Variants in SPIRE1 observed in about 807,000 individuals in gnomAD.
SPIRE1 encodes the protein protein spire homolog 1.
Under a neutral mutation model 94.1 loss-of-function variants are expected in SPIRE1, and 40 were observed. That is an observed-to-expected ratio of 0.43 (90% CI 0.33 to 0.55). The LOEUF is 0.55. SPIRE1 is among the 20% of genes least tolerant of loss of function. The probability of loss-of-function intolerance (pLI) is 0.06; values close to 1 mark genes in which losing one functional copy is unlikely to be tolerated. For synonymous variants in SPIRE1, 376 were observed against 371.7 expected (o/e 1.01, Z -0.13); for missense variants, 838 against 975.2 (o/e 0.86, Z 1.87).
rs879826405 is a variant in SPIRE1 at position 12,551,703 on chromosome 18, G to GA, written c.373-4800dup. On this transcript the variant is annotated intron_variant, in intron 2 of 16. Transcript: ENST00000409402. Reference sequence around the variant, plus strand: ...GGTGACAGAGCGAGACTCCGTCTCAGAAAAAAAAAAAAATATGGGGCGGGA... The same window carrying GA: ...GGTGACAGAGCGAGACTCCGTCTCAGAAAAAAAAAAAAAATATGGGGCGGGA... Among the ~76,000 whole-genome samples the GA allele has an allele frequency of 3.3e-3, 458 of 140,444 alleles. 2 individuals carry two copies. The highest frequency in any genetic ancestry group is 0.011 in the Middle Eastern group (3 of 270). The allele number at this position is 140,444 out of a possible 152,430, so 92.1% of individuals were successfully genotyped here.
chr18:12,452,545 G>A (rs759593115), intron 14 of SPIRE1, 33 bp from the exon 15 acceptor site: 1 of 1,612,702 alleles, frequency 6.2e-7, no homozygotes, highest in Non-Finnish European at 8.5e-7. Context: ...TATTTGGCAT[G>A]ATACCAGGGG....
intron 10 of SPIRE1, among the ~76,000 whole-genome samples, chr18:12,476,860 A>C (rs2032624727): frequency 6.6e-6 from 1 of 152,046 alleles, no homozygotes; most frequent in African/African-American, 2.4e-5. Flanking sequence ...CTGTTCCATA[A>C]ATCTTTGAGA....
intron 2 of SPIRE1, among the ~76,000 whole-genome samples, chr18:12,572,573 C>T (rs895287699): frequency 6.6e-6 from 1 of 152,100 alleles, no homozygotes; most frequent in Non-Finnish European, 1.5e-5. Flanking sequence ...GGCACCACTG[C>T]ACTCCAGCCA....
intron 4 of SPIRE1, among the ~76,000 whole-genome samples, chr18:12,514,103 C>T (rs764969074): frequency 3.9e-5 from 6 of 152,164 alleles, no homozygotes; most frequent in South Asian, 2.1e-4. Flanking sequence ...GCCTCCCAAA[C>T]GGCTGGGATT....
chr18:12,658,313 T>C, upstream of SPIRE1: 1 of 437,206 alleles, frequency 2.3e-6, no homozygotes, highest in Non-Finnish European at 4.5e-6. Flanking sequence ...GGGGGCCCGG[T>C]CGCAAGGGAC....
At chr18:12,530,464 G>C (rs906673367) in intron 4 of SPIRE1, among the ~76,000 whole-genome samples, 1 of 151,986 alleles carries the variant, frequency 6.6e-6, no homozygotes, top group Non-Finnish European at 1.5e-5. Flanking sequence ...TTAAACTCCC[G>C]GGCTCAAAAG....
At chr18:12,655,248 AAAAG>A (rs1400444687) in intron 1 of SPIRE1, among the ~76,000 whole-genome samples, 2 of 151,374 alleles carry the variant, frequency 1.3e-5, no homozygotes, top group African/African-American at 4.8e-5. Flanking sequence ...GAAGAAAAGA[AAAAG>A]AGAGAGAGAG....
chr18:12,455,531 T>C (rs2031467967), intron 12 of SPIRE1, among the ~76,000 whole-genome samples: 1 of 152,188 alleles, frequency 6.6e-6, no homozygotes, highest in Non-Finnish European at 1.5e-5. Context: ...TAAATATTTA[T>C]GTTGGCTGTC....
chr18:12,549,285 T>G (rs2035266447), intron 2 of SPIRE1, among the ~76,000 whole-genome samples: 1 of 152,038 alleles, frequency 6.6e-6, no homozygotes, highest in African/African-American at 2.4e-5. Context: ...TTACATTCAG[T>G]ATATATATTT....
Position 12,526,065 on chromosome 18 carries a change from A to ACACACACACACACACACACG in SPIRE1, c.729+9410_729+9411insCGTGTGTGTGTGTGTGTGTG, listed in dbSNP as rs2144130940. On this transcript the variant is annotated intron_variant, in intron 4 of 16. Coordinates refer to ENST00000409402, the MANE Select transcript of SPIRE1 (RefSeq NM_001128626.2). ...GTCAGAATACTGAAGATACACACAC[A>ACACACACACACACACACACG]CACACACACACACACACACACACAC... is the stretch of plus-strand genomic sequence containing the variant. 2.6e-5 allele frequency among the ~76,000 whole-genome samples: 3 copies of ACACACACACACACACACACG among 116,032 alleles called. 1 individual carries two copies. In the South Asian group the frequency reaches 1.3e-3, roughly 52 times the overall value. The allele number at this position is 116,032 out of a possible 152,430, so 76.1% of individuals were successfully genotyped here.
At chr18:12,499,786 T>C (rs188515933) in intron 6 of SPIRE1, among the ~76,000 whole-genome samples, 1 of 152,212 alleles carries the variant, frequency 6.6e-6, no homozygotes, top group Admixed American at 6.5e-5. Flanking sequence ...CAAAGGACAC[T>C]ATCAAGAGAG....
At chr18:12,656,713 T>C in intron 1 of SPIRE1, 2 of 981,284 alleles carry the variant, frequency 2.0e-6, no homozygotes, top group South Asian at 4.7e-5. Context: ...CTCCTCCTCC[T>C]CTTCAATGAG....
At chr18:12,660,041 C>T (rs980128324), upstream of SPIRE1, among the ~76,000 whole-genome samples, 8 of 152,166 alleles carry the variant, frequency 5.3e-5, no homozygotes, top group Non-Finnish European at 1.0e-4. Context: ...ACACTACCAC[C>T]TCCTGGCCTT....
rs995144562 is a variant in SPIRE1 at position 12,612,905 on chromosome 18, C to T, written c.372+22157G>A. On this transcript the variant is annotated intron_variant, in intron 2 of 16. Coordinates refer to ENST00000409402, the MANE Select transcript of SPIRE1 (RefSeq NM_001128626.2). Reference sequence around the variant, plus strand: ...TATAACTACTTTGGGAGGTGTACTTCGACCACCTTGTTAAAAATTGCAAAC... The same window carrying T: ...TATAACTACTTTGGGAGGTGTACTTTGACCACCTTGTTAAAAATTGCAAAC... 5.3e-5 allele frequency among the ~76,000 whole-genome samples: 8 copies of T among 152,250 alleles called. No individual in the cohort carries two copies. The East Asian group carries it at 1.4e-3, about 26-fold the overall frequency.
At chr18:12,517,050 A>G (rs562155681) in intron 4 of SPIRE1, among the ~76,000 whole-genome samples, 2 of 152,190 alleles carry the variant, frequency 1.3e-5, no homozygotes, top group Non-Finnish European at 2.9e-5. Context: ...GACTTTGGGG[A>G]AATTTTTAAA....
intron 2 of SPIRE1, among the ~76,000 whole-genome samples, chr18:12,567,970 T>C (rs2035860441): frequency 6.6e-6 from 1 of 152,230 alleles, no homozygotes; most frequent in Admixed American, 6.5e-5. Context: ...TTAACTCTGC[T>C]GTTCATTTTG....
At chr18:12,472,260 GTC>G (rs1264652718) in intron 10 of SPIRE1, among the ~76,000 whole-genome samples, 3 of 151,834 alleles carry the variant, frequency 2.0e-5, no homozygotes, top group Non-Finnish European at 2.9e-5. Flanking sequence ...CAAGACCCCT[GTC>G]TCTATAAAAA....
At chr18:12,643,070 T>C (rs895324830) in intron 1 of SPIRE1, among the ~76,000 whole-genome samples, 1 of 152,192 alleles carries the variant, frequency 6.6e-6, no homozygotes, top group Admixed American at 6.5e-5. Flanking sequence ...CTTGACTATG[T>C]ATAGTATATG....
chr18:12,604,892 T>C (rs997852338), intron 2 of SPIRE1, among the ~76,000 whole-genome samples: 3 of 152,208 alleles, frequency 2.0e-5, no homozygotes, highest in African/African-American at 7.2e-5. Flanking sequence ...GTGATGTTTA[T>C]ACACAATAAA....
Sources: allele counts gnomAD v4.1 joint callset (sites outside exome capture counted in the v4.1 genomes callset), GRCh38; gene constraint gnomAD v4.1.1; transcripts MANE v1.5; gene names NCBI Gene and HGNC (gene_info 2026-07-23, HGNC 2026-07-21).